The following TAAR2 variants were observed in gnomAD, a reference collection of about 807,000 sequenced individuals.
The protein encoded by TAAR2 is trace amine associated receptor 2.
TAAR2 carries 30 observed loss-of-function variants against 25.5 expected under a neutral mutation model. That is an observed-to-expected ratio of 1.18 (90% CI 0.88 to 1.60). The LOEUF is 1.60. Ranked by LOEUF, TAAR2 falls within the 40% of genes most tolerant of loss-of-function variation. The pLI, the probability that TAAR2 is intolerant of heterozygous loss-of-function variation, is 0.00. For missense variants in TAAR2, 481 were observed against 416.5 expected, an observed-to-expected ratio of 1.15 and a Z score of -1.35; for synonymous variants, 150 against 142.4, an observed-to-expected ratio of 1.05 and a Z score of -0.38.
At chr6:132,623,631 C>A (rs952133748) in intron 1 of TAAR2, among the ~76,000 whole-genome samples, 2 of 149,712 alleles carry the variant, frequency 1.3e-5, no homozygotes, top group East Asian at 3.9e-4. Flanking sequence ...TATATGGAAC[C>A]AGAAGACCTA....
In TAAR2 at chr6:132,624,248, G is replaced by T. The variant is rs1469156665; in HGVS notation, c.28C>A (p.Leu10Ile). 1.9e-6 allele frequency: 3 copies of T among 1,613,388 alleles called. No individual in the cohort carries two copies. Among genetic ancestry groups the T allele is most frequent in the African/African-American group, 1.3e-5 (1 of 74,876 alleles). The change falls in exon 1 of 2, where the codon CTT (leucine) becomes ATT (isoleucine). Residue 10 changes from leucine to isoleucine, a missense_variant. Transcript: ENST00000367931. MAVSSEQHE[L>I]SHFKRTQTKK... ...GTCTGTGTTCTTTTGAAATGTGAAA[G>T]TTCATGTTGCTCTGATGAGACAGCC... is the stretch of plus-strand genomic sequence containing the variant.
intron 1 of TAAR2, among the ~76,000 whole-genome samples, chr6:132,618,797 C>T (rs190743668): frequency 1.0e-3 from 157 of 152,266 alleles, no homozygotes; most frequent in Non-Finnish European, 1.9e-3. Flanking sequence ...ATCTATTAGA[C>T]AATACATGTA....
rs745672595 is a variant in TAAR2 at position 132,617,637 on chromosome 6, C to A, written c.569G>T (p.Gly190Val). The change falls in exon 2 of 2, where the codon GGC becomes GTC. Residue 190 changes from glycine (G) to valine (V), a missense_variant. By Grantham distance (109) the Gly-to-Val change is moderately radical. Transcript: ENST00000367931. ...GGAACAAGCAACCAAGATGTCATAG[C>A]CCTCTATTCCATCTGCATAGGCCTC... The part of the protein sequence containing the change: ...FSEAYADGIE[G>V]YDILVACSSS... 5 of 1,613,808 alleles carry A rather than the reference C, an allele frequency of 3.1e-6. No individual in the cohort carries two copies. Among genetic ancestry groups the A allele is most frequent in the Admixed American group, 3.3e-5 (2 of 59,978 alleles).
chr6:132,624,165 A>G (rs1399819896), intron 1 of TAAR2, 51 bp downstream of exon 1: 1 of 1,563,914 alleles, frequency 6.4e-7, no homozygotes, highest in East Asian at 2.2e-5. Flanking sequence ...TTATGCCAAA[A>G]TCTTCTCAGA....
At position 132,622,797 on chromosome 6, in the gene TAAR2, T is replaced by C. The variant is rs149219151; in HGVS notation, c.60+1419A>G. Among the ~76,000 whole-genome samples, 1,209 of 152,280 alleles carry C rather than the reference T, an allele frequency of 7.9e-3. 17 individuals are homozygous for C. Among genetic ancestry groups the C allele is most frequent in the African/African-American group, 0.027 (1,117 of 41,562 alleles). Reference sequence around the variant, plus strand: ...CCACACCCTGCCTAGTAACCACTTTTAAGACTTAATGGATTTCACTATGTC... The same window carrying C: ...CCACACCCTGCCTAGTAACCACTTTCAAGACTTAATGGATTTCACTATGTC... On this transcript the variant is annotated intron_variant, in intron 1 of 1. Coordinates refer to ENST00000367931, the MANE Select transcript of TAAR2 (RefSeq NM_001033080.1).
rs1180449411 is a variant in TAAR2 at position 132,617,849 on chromosome 6, A to G, written c.357T>C (p.Tyr119=). The change falls in exon 2 of 2, where the codon TAT becomes TAC. Residue 119 remains tyrosine, a synonymous_variant. Coordinates refer to ENST00000367931, the MANE Select transcript of TAAR2 (RefSeq NM_001033080.1). ...TGCTAAGCATCAGGTCAAAACTATA[A>G]TAAATCTTGCAAAATGTAAGCCCAA... is the stretch of plus-strand genomic sequence containing the variant. The part of the protein sequence containing the change: ...WYFGLTFCKI[Y]YSFDLMLSIT... The G allele has an allele frequency of 1.2e-6, 2 of 1,614,072 alleles. No individual in the cohort carries two copies. Among genetic ancestry groups the G allele is most frequent in the Admixed American group, 1.7e-5 (1 of 60,008 alleles).
At chr6:132,618,193 T>A in intron 1 of TAAR2, 48 bp from the exon 2 acceptor site, 1 of 1,478,894 alleles carries the variant, frequency 6.8e-7, no homozygotes, top group Non-Finnish European at 9.0e-7. Context: ...ATAAATATTC[T>A]ATGTTTTATA....
rs753717203 is a variant in TAAR2, at chr6:132,618,036, G to A, written c.170C>T (p.Thr57Ile). The A allele has an allele frequency of 1.2e-6, 2 of 1,613,922 alleles. No homozygotes were observed. Among genetic ancestry groups the A allele is most frequent in the Non-Finnish European group, 8.5e-7 (1 of 1,179,956 alleles). ...YSFMAGSIFI[T>I]IFGNLAMIIS... ...TATCATGGCAAGATTGCCAAATATT[G>A]TGATGAATATGGATCCTGCCATAAA... The change falls in exon 2 of 2, where the codon ACA (threonine) becomes ATA (isoleucine). Residue 57 changes from threonine to isoleucine, a missense_variant. Thr to Ile is a moderately conservative substitution (Grantham distance 89). Coordinates refer to ENST00000367931, the MANE Select transcript of TAAR2 (RefSeq NM_001033080.1).
At position 132,617,878 on chromosome 6, in the gene TAAR2, A is replaced by G; in HGVS notation, c.328T>C (p.Tyr110His). The change falls in exon 2 of 2, where the codon TAT becomes CAT. Residue 110 changes from tyrosine to histidine, a missense_variant. Coordinates refer to ENST00000367931, the MANE Select transcript of TAAR2 (RefSeq NM_001033080.1). ...SMIRSVENCWYFGLTFCKIYY... is the reference protein window; with the variant it reads ...SMIRSVENCWHFGLTFCKIYY... ...ATCTTGCAAAATGTAAGCCCAAAAT[A>G]CCAGCAGTTCTCCACCGATCTGATC... The G allele has an allele frequency of 6.2e-7, 1 of 1,614,092 alleles. No homozygotes were observed.
chr6:132,617,631 T>C lies in TAAR2; in HGVS notation c.575A>G (p.Asp192Gly). 3.1e-6 allele frequency: 5 copies of C among 1,613,972 alleles called. No individual in the cohort carries two copies. The East Asian group carries it at 1.1e-4, about 36-fold the overall frequency. ...EAYADGIEGYDILVACSSSCP... is the reference protein window; with the variant it reads ...EAYADGIEGYGILVACSSSCP... ...GGAACTGGAACAAGCAACCAAGATGTCATAGCCCTCTATTCCATCTGCATA... is the reference window on the plus strand; with the variant it reads ...GGAACTGGAACAAGCAACCAAGATGCCATAGCCCTCTATTCCATCTGCATA... Residue 192 changes from aspartate (D) to glycine (G), a missense_variant, in exon 2 of 2, where the codon GAC (aspartate) becomes GGC (glycine). Asp to Gly is a moderately conservative substitution (Grantham distance 94). Transcript: ENST00000367931.
chr6:132,624,084 C>T lies in TAAR2; in HGVS notation c.60+132G>A, dbSNP rs929103686. ...TCTTTGATAAATGTGATTAAAAGAA[C>T]ACATTTCATCAACCCTTTTAGATCT... On this transcript the variant is annotated intron_variant, in intron 1 of 1. Transcript: ENST00000367931. 6 of 862,594 alleles carry T rather than the reference C, an allele frequency of 7.0e-6. No individual in the cohort carries two copies. In the African/African-American group the frequency reaches 8.6e-5, roughly 12 times the overall value. 53.4% of individuals were successfully genotyped at this position (862,594 alleles called of 1,614,324 possible).
chr6:132,617,160 T>C lies in TAAR2; in HGVS notation c.1046A>G (p.Glu349Gly), dbSNP rs1474666040. Residue 349 changes from glutamate (E) to glycine (G), a missense_variant, in exon 2 of 2, where the codon GAA (glutamate) becomes GGA (glycine). Transcript: ENST00000367931. ...FHNTILCMQK[E>G]SE ...TCATGCAGAAAAAGCCTACTCACTTTCTTTTTGCATACACAAAATAGTATT... is the reference window on the plus strand; with the variant it reads ...TCATGCAGAAAAAGCCTACTCACTTCCTTTTTGCATACACAAAATAGTATT... 6.3e-7 allele frequency: 1 copy of C among 1,577,182 alleles called. No individual in the cohort carries two copies. The highest frequency in any genetic ancestry group is 8.6e-7 in the Non-Finnish European group (1 of 1,168,406).
At chr6:132,622,625 A>G (rs1449232330) in intron 1 of TAAR2, among the ~76,000 whole-genome samples, 3 of 151,620 alleles carry the variant, frequency 2.0e-5, no homozygotes, top group Non-Finnish European at 4.4e-5. Context: ...AGCTGGGACT[A>G]CAGGCACGTG....
rs1414311937 is a variant in TAAR2 at position 132,617,694 on chromosome 6, G to A, written c.512C>T (p.Pro171Leu). 3.7e-6 allele frequency: 6 copies of A among 1,613,802 alleles called. No individual in the cohort carries two copies. In the African/African-American group the frequency reaches 8.0e-5, roughly 22 times the overall value. Reference protein sequence around the residue: ...KRLLLLCWSVPGAFAFGVVFS... With the variant: ...KRLLLLCWSVLGAFAFGVVFS... ...GACCACCCCGAAGGCAAATGCTCCAGGGACCGACCAACATAGAAGTAGCAA... is the reference window on the plus strand; with the variant it reads ...GACCACCCCGAAGGCAAATGCTCCAAGGACCGACCAACATAGAAGTAGCAA... The change falls in exon 2 of 2, where the codon CCT (proline) becomes CTT (leucine). Residue 171 changes from proline (P) to leucine (L), a missense_variant. By Grantham distance (98) the Pro-to-Leu change is moderately conservative (BLOSUM62 -3). Coordinates refer to ENST00000367931, the MANE Select transcript of TAAR2 (RefSeq NM_001033080.1).
At position 132,617,461 on chromosome 6, in the gene TAAR2, T is replaced by A. The variant is rs769677016; in HGVS notation, c.745A>T (p.Asn249Tyr). Residue 249 changes from asparagine to tyrosine, a missense_variant, in exon 2 of 2, where the codon AAT becomes TAT. Coordinates refer to ENST00000367931, the MANE Select transcript of TAAR2 (RefSeq NM_001033080.1). ...HAHAINNLRE[N>Y]QNNQVKKDKK... ...TCTTTCTTCACTTGATTATTTTGAT[T>A]TTCTCGCAAGTTATTGATGGCATGA... 1 of 1,613,792 alleles carries A rather than the reference T, an allele frequency of 6.2e-7. No homozygotes were observed. The highest frequency in any genetic ancestry group is 8.5e-7 in the Non-Finnish European group (1 of 1,179,942).
Position 132,617,655 on chromosome 6 carries a change from T to C in TAAR2, c.551A>G (p.Tyr184Cys), listed in dbSNP as rs148116183. ...GTCATAGCCCTCTATTCCATCTGCA[T>C]AGGCCTCTGAGAAGACCACCCCGAA... ...FAFGVVFSEAYADGIEGYDIL... is the reference protein window; with the variant it reads ...FAFGVVFSEACADGIEGYDIL... Residue 184 changes from tyrosine to cysteine, a missense_variant, in exon 2 of 2, where the codon TAT (tyrosine) becomes TGT (cysteine). Tyr to Cys is a radical substitution (Grantham distance 194, BLOSUM62 -2). Transcript: ENST00000367931. 2.5e-4 allele frequency: 406 copies of C among 1,613,964 alleles called. No individual in the cohort carries two copies. In the African/African-American group the frequency reaches 4.8e-3, roughly 19 times the overall value.
In TAAR2 at chr6:132,617,826, C is replaced by T. The variant is rs761107820; in HGVS notation, c.380G>A (p.Ser127Asn). 1.1e-5 allele frequency: 18 copies of T among 1,613,988 alleles called. No individual in the cohort carries two copies. In the Admixed American group the frequency reaches 2.0e-4, roughly 18 times the overall value. Residue 127 changes from serine to asparagine, a missense_variant, in exon 2 of 2, where the codon AGC becomes AAC. Physicochemically the swap from Ser to Asn is conservative, Grantham distance 46. Coordinates refer to ENST00000367931, the MANE Select transcript of TAAR2 (RefSeq NM_001033080.1). Reference sequence around the variant, plus strand: ...GCAAAGATGAAAAATGGATGTTATGCTAAGCATCAGGTCAAAACTATAATA... The same window carrying T: ...GCAAAGATGAAAAATGGATGTTATGTTAAGCATCAGGTCAAAACTATAATA... ...KIYYSFDLMLSITSIFHLCSV... is the reference protein window; with the variant it reads ...KIYYSFDLMLNITSIFHLCSV...
intron 1 of TAAR2, among the ~76,000 whole-genome samples, chr6:132,618,669 A>T (rs1026454947): frequency 1.3e-5 from 2 of 152,092 alleles, no homozygotes; most frequent in Non-Finnish European, 2.9e-5. Context: ...TATTTACTCC[A>T]TACTTTCCTC....
chr6:132,622,125 T>TA (rs754847782), intron 1 of TAAR2, among the ~76,000 whole-genome samples: 7 of 152,042 alleles, frequency 4.6e-5, no homozygotes, highest in African/African-American at 1.7e-4. Flanking sequence ...CCATTACTGT[T>TA]ACGTTTCTAA....
Sources: gnomAD v4.1 joint callset for allele counts (sites outside exome capture counted in the v4.1 genomes callset) on GRCh38, gnomAD v4.1.1 for gene constraint, MANE v1.5 for transcripts, NCBI Gene and HGNC (gene_info 2026-07-23, HGNC 2026-07-21) for gene names.